RPSA2: variants seen among roughly 807,000 people sequenced by gnomAD.
RPSA2 encodes the protein ribosomal protein SA 2, also known as small ribosomal subunit protein uS2B.
the RPSA2 span, among the ~76,000 whole-genome samples, chr19:23,805,375 G>A: frequency 6.6e-6 from 1 of 151,996 alleles, no homozygotes; most frequent in Admixed American, 6.6e-5. Flanking sequence ...TGTTGGTCAG[G>A]CTGGTCTCGA....
At chr19:23,805,341 T>A in the RPSA2 span, among the ~76,000 whole-genome samples, 1 of 152,002 alleles carries the variant, frequency 6.6e-6, no homozygotes, top group South Asian at 2.1e-4. Context: ...ATTTTCTATT[T>A]TTAGTAGAGA....
At chr19:23,807,103 T>C in the RPSA2 span, among the ~76,000 whole-genome samples, 15 of 152,192 alleles carry the variant, frequency 9.9e-5, no homozygotes, top group Admixed American at 5.9e-4. Context: ...AGGTTTTTTT[T>C]CCTCTTCATC....
At chr19:23,836,631 C>T in the RPSA2 span, among the ~76,000 whole-genome samples, 3 of 152,262 alleles carry the variant, frequency 2.0e-5, no homozygotes, top group South Asian at 2.1e-4. Context: ...ACATTCCCAC[C>T]GGCAGTGTGG....
chr19:23,852,682 G>T, the RPSA2 span, among the ~76,000 whole-genome samples: 1 of 152,174 alleles, frequency 6.6e-6, no homozygotes, highest in African/African-American at 2.4e-5. Context: ...CTTTCAGCTT[G>T]GGCGTTAGGG....
At chr19:23,813,870 G>A in the RPSA2 span, among the ~76,000 whole-genome samples, 2 of 151,146 alleles carry the variant, frequency 1.3e-5, no homozygotes, top group Non-Finnish European at 2.9e-5. Flanking sequence ...TTACAGGCAC[G>A]TGCCACCACA....
the RPSA2 span, among the ~76,000 whole-genome samples, chr19:23,769,327 A>G: frequency 6.6e-6 from 1 of 152,152 alleles, no homozygotes; most frequent in African/African-American, 2.4e-5. Flanking sequence ...CTTAACTCTG[A>G]GACACTTAAT....
At chr19:23,849,313 G>A in the RPSA2 span, among the ~76,000 whole-genome samples, 1 of 80,330 alleles carries the variant, frequency 1.2e-5, no homozygotes, top group Admixed American at 1.6e-4. Context: ...AATCTGAGGT[G>A]CCCAGGGATG....
At chr19:23,760,005 C>T in the RPSA2 span, among the ~76,000 whole-genome samples, 1 of 152,126 alleles carries the variant, frequency 6.6e-6, no homozygotes, top group Admixed American at 6.5e-5. Flanking sequence ...CCCATAGGTA[C>T]TTGTCAAGCA....
the RPSA2 span, among the ~76,000 whole-genome samples, chr19:23,862,384 A>C: frequency 6.6e-6 from 1 of 151,294 alleles, no homozygotes; most frequent in Admixed American, 6.6e-5. Flanking sequence ...TCTCTTGCCT[A>C]ATTGCCCTGG....
At chr19:23,828,682 C>G in the RPSA2 span, among the ~76,000 whole-genome samples, 1 of 149,170 alleles carries the variant, frequency 6.7e-6, no homozygotes, top group Non-Finnish European at 1.5e-5. Flanking sequence ...TGTGGTCTTT[C>G]AAGGGAAATG....
At chr19:23,766,390 TC>T in the RPSA2 span, among the ~76,000 whole-genome samples, 1 of 151,774 alleles carries the variant, frequency 6.6e-6, no homozygotes, top group East Asian at 1.9e-4. Flanking sequence ...TGAGAGGTCT[TC>T]CCCCAATGAG....
the RPSA2 span, among the ~76,000 whole-genome samples, chr19:23,858,571 A>G: frequency 6.6e-6 from 1 of 152,220 alleles, no homozygotes; most frequent in South Asian, 2.1e-4. Context: ...TTCTAATAAA[A>G]AGCAACACAC....
chr19:23,782,736 C>T, the RPSA2 span, among the ~76,000 whole-genome samples: 3 of 152,102 alleles, frequency 2.0e-5, no homozygotes, highest in African/African-American at 7.2e-5. Flanking sequence ...GACATAGCTC[C>T]TGTGTGATGT....
the RPSA2 span, among the ~76,000 whole-genome samples, chr19:23,806,784 C>CAAA: frequency 3.4e-3 from 242 of 71,242 alleles, 4 homozygotes; most frequent in Admixed American, 5.7e-3. Flanking sequence ...GACTGAGTCT[C>CAAA]AAAAAAAAAA....
the RPSA2 span, among the ~76,000 whole-genome samples, chr19:23,814,301 A>G: frequency 6.6e-6 from 1 of 151,710 alleles, no homozygotes; most frequent in Non-Finnish European, 1.5e-5. Flanking sequence ...ACTTAATTTT[A>G]TCAGTATTGA....
At chr19:23,869,819 G>C in the RPSA2 span, among the ~76,000 whole-genome samples, 1 of 152,168 alleles carries the variant, frequency 6.6e-6, no homozygotes, top group Non-Finnish European at 1.5e-5. Context: ...TCTAATACCA[G>C]TACTGCTACT....
chr19:23,867,504 C>A, the RPSA2 span, among the ~76,000 whole-genome samples: 1 of 150,036 alleles, frequency 6.7e-6, no homozygotes, highest in Admixed American at 6.7e-5. Context: ...ACAAGGAAAC[C>A]CTAACCCAAT....
chr19:23,856,917 T>C, the RPSA2 span, among the ~76,000 whole-genome samples: 2 of 152,084 alleles, frequency 1.3e-5, no homozygotes, highest in Non-Finnish European at 2.9e-5. Flanking sequence ...GCGGTGCACG[T>C]ATTGTCTTGT....
At chr19:23,838,508 A>G in the RPSA2 span, among the ~76,000 whole-genome samples, 3 of 151,960 alleles carry the variant, frequency 2.0e-5, no homozygotes, top group African/African-American at 7.2e-5. Context: ...ACTTCTTTGA[A>G]TTTCTGGTAG....
Sources: allele counts gnomAD v4.1 joint callset (sites outside exome capture counted in the v4.1 genomes callset), GRCh38; gene constraint gnomAD v4.1.1; transcripts MANE v1.5; gene names NCBI Gene and HGNC (gene_info 2026-07-23, HGNC 2026-07-21).